Variants in ROBO2 observed in about 807,000 individuals in gnomAD.
ROBO2 encodes the protein roundabout homolog 2.
Under a neutral mutation model 160.8 loss-of-function variants are expected in ROBO2, and 53 were observed. The observed-to-expected ratio is 0.33, with a 90% confidence interval of 0.26 to 0.41. ROBO2 has a LOEUF of 0.41. ROBO2 is among the 10% of genes least tolerant of loss of function. The probability of loss-of-function intolerance (pLI) is 1.00; values close to 1 mark genes in which losing one functional copy is unlikely to be tolerated. For synonymous variants in ROBO2, 664 were observed against 611.7 expected, an observed-to-expected ratio of 1.09 and a Z score of -1.26; for missense variants, 1,577 against 1,722.4, an observed-to-expected ratio of 0.92 and a Z score of 1.49.
chr3:76,329,904 G>A (rs1238664783), intron 2 of ROBO2, among the ~76,000 whole-genome samples: 1 of 152,080 alleles, frequency 6.6e-6, no homozygotes, highest in Non-Finnish European at 1.5e-5. Flanking sequence ...ATACTTAGTC[G>A]TCTTTGAACT....
intron 2 of ROBO2, among the ~76,000 whole-genome samples, chr3:77,415,686 G>A (rs936161717): frequency 1.3e-5 from 2 of 152,092 alleles, no homozygotes; most frequent in African/African-American, 2.4e-5. Context: ...CTGGGTGTGG[G>A]CAGTTTTTGC....
At chr3:77,263,565 T>A (rs1281852875) in intron 2 of ROBO2, among the ~76,000 whole-genome samples, 1 of 152,204 alleles carries the variant, frequency 6.6e-6, no homozygotes. Context: ...TCCATCCATG[T>A]CCCTACAAAG....
intron 2 of ROBO2, among the ~76,000 whole-genome samples, chr3:76,579,798 A>G (rs973157085): frequency 2.6e-5 from 4 of 151,810 alleles, no homozygotes; most frequent in Non-Finnish European, 5.9e-5. Context: ...AAAAAAAAAA[A>G]AAAAAAGAAA....
chr3:76,322,191 TATATATATATATA>T (rs1198589388), intron 2 of ROBO2, among the ~76,000 whole-genome samples: 156 of 97,626 alleles, frequency 1.6e-3, no homozygotes, highest in Non-Finnish European at 3.3e-3. Context: ...TATATATATA[TATATATATATATA>T]ATATACACAC....
chr3:77,281,696 A>C (rs1230042191), intron 2 of ROBO2, among the ~76,000 whole-genome samples: 1 of 152,156 alleles, frequency 6.6e-6, no homozygotes, highest in Non-Finnish European at 1.5e-5. Context: ...CCAACATTTT[A>C]GGCACCAGGG....
At chr3:76,602,254 C>G (rs1456922733) in intron 2 of ROBO2, among the ~76,000 whole-genome samples, 1 of 152,166 alleles carries the variant, frequency 6.6e-6, no homozygotes, top group East Asian at 1.9e-4. Context: ...TTCAAACTTT[C>G]CTACATTTTC....
intron 2 of ROBO2, among the ~76,000 whole-genome samples, chr3:77,469,300 G>C (rs1448108425): frequency 6.6e-6 from 1 of 152,114 alleles, no homozygotes; most frequent in East Asian, 1.9e-4. Context: ...TTTGTACATA[G>C]CTCCAGTTTC....
rs569316114 is a variant in ROBO2 at position 76,679,115 on chromosome 3, A to C, written c.110-418899A>C. On this transcript the variant is annotated intron_variant, in intron 2 of 26. Coordinates refer to the ROBO2 transcript ENST00000487694. ...AGAACTTTAACAGAGCTTTTTTGTG[A>C]CTTCAAAAATTTTGGCTTTTCCTCC... Among the ~76,000 whole-genome samples, 344 of 152,116 alleles carry C rather than the reference A, an allele frequency of 2.3e-3. 1 individual carries two copies. Among genetic ancestry groups the C allele is most frequent in the African/African-American group, 7.9e-3 (327 of 41,536 alleles).
At chr3:76,760,048 A>T (rs914077607) in intron 2 of ROBO2, among the ~76,000 whole-genome samples, 5 of 151,778 alleles carry the variant, frequency 3.3e-5, no homozygotes, top group African/African-American at 1.2e-4. Context: ...GATGAATATG[A>T]TTTCAAGGAA....
Position 76,594,705 on chromosome 3 carries a change from G to T in ROBO2, c.110-503309G>T, listed in dbSNP as rs569495685. Reference sequence around the variant, plus strand: ...AGTATAGATTTGGAGCTAAATAAGTGAGTGGATAAATGTATTTTATTTAAT... The same window carrying T: ...AGTATAGATTTGGAGCTAAATAAGTTAGTGGATAAATGTATTTTATTTAAT... On this transcript the variant is annotated intron_variant, in intron 2 of 26. Transcript: ENST00000487694. Among the ~76,000 whole-genome samples the T allele has an allele frequency of 3.3e-5, 5 of 152,058 alleles. No individual in the cohort carries two copies. The South Asian group carries it at 8.3e-4, about 25-fold the overall frequency.
chr3:76,267,422 CT>C (rs910218589), intron 2 of ROBO2, among the ~76,000 whole-genome samples: 2 of 152,078 alleles, frequency 1.3e-5, no homozygotes, highest in African/African-American at 4.8e-5. Flanking sequence ...TGGATATTTC[CT>C]TTTTAATCAC....
chr3:76,122,777 G>A (rs939402114), intron 2 of ROBO2, among the ~76,000 whole-genome samples: 1 of 152,028 alleles, frequency 6.6e-6, no homozygotes, highest in African/African-American at 2.4e-5. Flanking sequence ...TAGCATGATG[G>A]ACATATATAT....
chr3:76,908,223 G>A (rs2324697), intron 2 of ROBO2, among the ~76,000 whole-genome samples: 18,094 of 151,938 alleles, frequency 0.12, 1,470 homozygotes, highest in Admixed American at 0.21. Context: ...AAAAAAAACT[G>A]CAAACATTTC....
chr3:76,100,057 T>C (rs532405887), intron 2 of ROBO2, among the ~76,000 whole-genome samples: 239 of 152,296 alleles, frequency 1.6e-3, no homozygotes, highest in Admixed American at 3.1e-3. Context: ...GTCCTGTGTG[T>C]TTTTTAACCA....
intron 2 of ROBO2, among the ~76,000 whole-genome samples, chr3:76,527,751 A>G (rs531502727): frequency 3.3e-5 from 5 of 152,204 alleles, no homozygotes; most frequent in Admixed American, 6.6e-5. Flanking sequence ...GATAAATGTT[A>G]TGTAGAAAAT....
chr3:76,915,570 T>G (rs1244268625), intron 2 of ROBO2, among the ~76,000 whole-genome samples: 2 of 149,506 alleles, frequency 1.3e-5, no homozygotes, highest in Non-Finnish European at 3.0e-5. Context: ...CTCGGGAGGC[T>G]GATGCAGGAG....
chr3:77,253,324 A>G (rs2090586876), intron 2 of ROBO2, among the ~76,000 whole-genome samples: 1 of 152,216 alleles, frequency 6.6e-6, no homozygotes, highest in South Asian at 2.1e-4. Flanking sequence ...GAGTTGAATT[A>G]TGTATTTAAA....
intron 2 of ROBO2, among the ~76,000 whole-genome samples, chr3:77,210,592 AAT>A (rs1491135174): frequency 2.1e-5 from 3 of 143,508 alleles, no homozygotes; most frequent in Non-Finnish European, 4.7e-5. Flanking sequence ...TCTCACAAAT[AAT>A]TTTTTTATTA....
At chr3:76,941,348 T>A (rs1380139959) in intron 2 of ROBO2, among the ~76,000 whole-genome samples, 2 of 152,152 alleles carry the variant, frequency 1.3e-5, no homozygotes, top group East Asian at 1.9e-4. Context: ...GCATTTTAAA[T>A]CATTTCAAAT....
Sources: allele counts gnomAD v4.1 joint callset (sites outside exome capture counted in the v4.1 genomes callset), GRCh38; gene constraint gnomAD v4.1.1; transcripts MANE v1.5; gene names NCBI Gene and HGNC (gene_info 2026-07-23, HGNC 2026-07-21).